COQ7: variants seen among roughly 807,000 people sequenced by gnomAD.
COQ7 encodes coenzyme Q7, hydroxylase, also known as NADPH-dependent 3-demethoxyubiquinone 3-hydroxylase, mitochondrial.
A neutral mutation model predicts 25.0 loss-of-function variants in COQ7; 21 were observed. The ratio of observed to expected loss-of-function variants is 0.84; its 90% confidence interval spans 0.60 to 1.21. COQ7 has a LOEUF of 1.21. Ranked by LOEUF, COQ7 falls within the 50% of genes most tolerant of loss-of-function variation. The probability of loss-of-function intolerance (pLI) is 0.00; values close to 1 mark genes in which losing one functional copy is unlikely to be tolerated. For missense variants in COQ7, 311 were observed against 296.2 expected, an observed-to-expected ratio of 1.05 and a Z score of -0.37; for synonymous variants, 125 against 112.4, an observed-to-expected ratio of 1.11 and a Z score of -0.71.
At chr16:19,082,149 A>T (rs1408817588), downstream of COQ7, among the ~76,000 whole-genome samples, 1 of 152,124 alleles carries the variant, frequency 6.6e-6, no homozygotes, top group Non-Finnish European at 1.5e-5. Context: ...CAAACAAGGC[A>T]ATCTTACTCA....
chr16:19,074,091 C>A (rs1962707476), intron 3 of COQ7, 56 bp downstream of exon 3: 2 of 1,278,576 alleles, frequency 1.6e-6, no homozygotes, highest in East Asian at 2.4e-5. Flanking sequence ...ATGATTAAAT[C>A]CTTCAGGTAT....
chr16:19,067,881 T>A, intron 1 of COQ7, 144 bp downstream of exon 1: 1 of 1,493,460 alleles, frequency 6.7e-7, no homozygotes, highest in South Asian at 1.3e-5. Context: ...GACTTCGGCC[T>A]CCGGGGCGCT....
intron 2 of COQ7, chr16:19,072,341 G>C: frequency 1.9e-6 from 1 of 529,854 alleles, no homozygotes; most frequent in Non-Finnish European, 3.4e-6. Flanking sequence ...TTTGGTATCA[G>C]TACTCCATGG....
intron 1 of COQ7, chr16:19,068,336 G>T (rs1401531534): frequency 2.0e-6 from 2 of 990,182 alleles, no homozygotes; most frequent in East Asian, 1.1e-4. Context: ...TGCTTTCCTT[G>T]TTTCATCTGT....
chr16:19,073,862 G>T, intron 2 of COQ7, 59 bp from the exon 3 acceptor site: 2 of 1,268,490 alleles, frequency 1.6e-6, no homozygotes, highest in African/African-American at 1.5e-5. Flanking sequence ...TATGCCGCTT[G>T]GATGAGTGGG....
At chr16:19,069,733 G>A (rs1962456409) in intron 1 of COQ7, among the ~76,000 whole-genome samples, 1 of 151,068 alleles carries the variant, frequency 6.6e-6, no homozygotes, top group South Asian at 2.1e-4. Flanking sequence ...AAGAAATGTC[G>A]ATCCTGATTT....
chr16:19,077,535 G>T (rs150024465), intron 5 of COQ7, among the ~76,000 whole-genome samples, 161 bp downstream of exon 5: 86 of 144,116 alleles, frequency 6.0e-4, no homozygotes, highest in African/African-American at 2.0e-3. Context: ...ACGCATTATT[G>T]CTCCAGATTG....
downstream of COQ7, among the ~76,000 whole-genome samples, chr16:19,081,651 G>A (rs1963101399): frequency 6.6e-6 from 1 of 152,140 alleles, no homozygotes; most frequent in South Asian, 2.1e-4. Flanking sequence ...AAGCATATGT[G>A]AAAAATAATT....
intron 3 of COQ7, among the ~76,000 whole-genome samples, chr16:19,075,147 C>G (rs1334792053): frequency 6.6e-6 from 1 of 151,798 alleles, no homozygotes; most frequent in East Asian, 1.9e-4. Context: ...AGTGGTTCTC[C>G]CTCAGGGTGA....
chr16:19,073,858 G>A (rs201681840), intron 2 of COQ7, 63 bp from the exon 3 acceptor site: 17 of 1,229,502 alleles, frequency 1.4e-5, no homozygotes, highest in South Asian at 3.8e-5. Flanking sequence ...CCTGTATGCC[G>A]CTTGGATGAG....
intron 1 of COQ7, 181 bp downstream of exon 1, chr16:19,067,918 G>T (rs915336837): frequency 6.8e-7 from 1 of 1,478,074 alleles, no homozygotes; most frequent in Non-Finnish European, 8.9e-7. Context: ...TCTGTAGTTA[G>T]CGGCGAGAGT....
chr16:19,077,602 T>TTTTTTTTTTTTTTTTTC (rs1383551592), intron 5 of COQ7, among the ~76,000 whole-genome samples: 6 of 140,372 alleles, frequency 4.3e-5, no homozygotes, highest in Non-Finnish European at 4.7e-5. Context: ...TTTTTTTTTT[T>TTTTTTTTTTTTTTTTTC]TTCCCAGACA....
At chr16:19,071,099 G>A (rs1962533068) in intron 1 of COQ7, among the ~76,000 whole-genome samples, 1 of 152,020 alleles carries the variant, frequency 6.6e-6, no homozygotes, top group African/African-American at 2.4e-5. Context: ...ATGCCCAACG[G>A]TGTGGGGTTT....
intron 2 of COQ7, chr16:19,072,383 A>G (rs1353417950): frequency 4.6e-6 from 2 of 433,684 alleles, no homozygotes; most frequent in African/African-American, 4.0e-5. Context: ...AAAGGTTAAG[A>G]ATCGCTCAGC....
At chr16:19,074,654 C>T (rs1382978453) in intron 3 of COQ7, among the ~76,000 whole-genome samples, 1 of 152,108 alleles carries the variant, frequency 6.6e-6, no homozygotes, top group Non-Finnish European at 1.5e-5. Context: ...AGTGATCCTC[C>T]CACCTAAGCC....
intron 5 of COQ7, 65 bp from the exon 6 acceptor site, chr16:19,078,016 C>T: frequency 7.8e-7 from 1 of 1,279,924 alleles, no homozygotes; most frequent in Non-Finnish European, 1.1e-6. Flanking sequence ...CCCTGCCAGC[C>T]CTGAATCTTA....
intron 1 of COQ7, among the ~76,000 whole-genome samples, chr16:19,070,552 G>A (rs779245195): frequency 6.6e-6 from 1 of 152,014 alleles, no homozygotes; most frequent in Non-Finnish European, 1.5e-5. Context: ...GGGCAACATG[G>A]TGAAACCCCG....
downstream of COQ7, among the ~76,000 whole-genome samples, chr16:19,080,521 G>A (rs529419961): frequency 9.9e-5 from 15 of 152,166 alleles, no homozygotes; most frequent in East Asian, 1.9e-4. Flanking sequence ...TCCCCAAATC[G>A]AACTTTAGCT....
rs560075062 is a variant in COQ7, at chr16:19,079,308, G to C, written c.*1150G>C. The C allele has an allele frequency of 1.3e-5, 2 of 152,054 alleles. No homozygotes were observed. Among genetic ancestry groups the C allele is most frequent in the Non-Finnish European group, 2.9e-5 (2 of 68,016 alleles). The allele number at this position is 152,054 out of a possible 1,614,324, so 9.4% of individuals were successfully genotyped here. A position where few individuals can be genotyped will look rare whatever the true frequency, so the allele number is the denominator to read the frequency against. ...TATAGCAGCCTGAACAGACTAAGAC[G>C]GGGGTGTTGCTTCCATCAAAGGATG... On this transcript the variant is annotated 3_prime_UTR_variant, in exon 6 of 6. Coordinates refer to ENST00000321998, the MANE Select transcript of COQ7 (RefSeq NM_016138.5).
Sources: gnomAD v4.1 joint callset for allele counts (sites outside exome capture counted in the v4.1 genomes callset) on GRCh38, gnomAD v4.1.1 for gene constraint, MANE v1.5 for transcripts, NCBI Gene and HGNC (gene_info 2026-07-23, HGNC 2026-07-21) for gene names.